Variants in KIF9 observed in about 807,000 individuals in gnomAD.
The protein encoded by KIF9 is kinesin family member 9.
KIF9 carries 68 observed loss-of-function variants against 94.8 expected under a neutral mutation model. The ratio of observed to expected loss-of-function variants is 0.72; its 90% confidence interval spans 0.59 to 0.88. The LOEUF is 0.88. KIF9 is among the 40% of genes least tolerant of loss of function. The probability of loss-of-function intolerance (pLI) is 0.00; values close to 1 mark genes in which losing one functional copy is unlikely to be tolerated. For missense variants in KIF9, 882 were observed against 982.5 expected, an observed-to-expected ratio of 0.90 and a Z score of 1.37; for synonymous variants, 343 against 362.1, an observed-to-expected ratio of 0.95 and a Z score of 0.60.
chr3:47,255,966 T>C, intron 10 of KIF9, among the ~76,000 whole-genome samples: 1 of 152,224 alleles, frequency 6.6e-6, no homozygotes, highest in East Asian at 1.9e-4. Context: ...TTCGCTGTGT[T>C]GGCCGGGCTG....
At chr3:47,231,224 G>A (rs1698549006) in intron 20 of KIF9, among the ~76,000 whole-genome samples, 1 of 151,864 alleles carries the variant, frequency 6.6e-6, no homozygotes, top group Non-Finnish European at 1.5e-5. Context: ...CTTCATGATT[G>A]AGAAAAAAAA....
chr3:47,255,716 C>G (rs1377410530), intron 10 of KIF9, among the ~76,000 whole-genome samples: 1 of 150,788 alleles, frequency 6.6e-6, no homozygotes, highest in Non-Finnish European at 1.5e-5. Flanking sequence ...AAAAAATTTT[C>G]TTCGCTCTCC....
chr3:47,274,573 T>C (rs997119395), intron 3 of KIF9, among the ~76,000 whole-genome samples: 4 of 152,236 alleles, frequency 2.6e-5, no homozygotes, highest in African/African-American at 9.6e-5. Context: ...GAGCCAGAAA[T>C]GGTGTCTATT....
intron 17 of KIF9, chr3:47,239,689 G>A: frequency 8.5e-7 from 1 of 1,170,380 alleles, no homozygotes; most frequent in Non-Finnish European, 1.1e-6. Flanking sequence ...CTGGGCTCAA[G>A]CGATTTTCAT....
At chr3:47,257,194 A>C (rs566734679) in intron 10 of KIF9, among the ~76,000 whole-genome samples, 1 of 152,114 alleles carries the variant, frequency 6.6e-6, no homozygotes, top group Admixed American at 6.5e-5. Context: ...AAAAAAAAAA[A>C]ATTTTTCTTC....
Position 47,236,026 on chromosome 3 carries a change from C to A in KIF9, c.2217+8G>T, listed in dbSNP as rs777104045. 2 of 1,602,466 alleles carry A rather than the reference C, an allele frequency of 1.2e-6. No individual in the cohort carries two copies. Among genetic ancestry groups the A allele is most frequent in the Admixed American group, 3.3e-5 (2 of 60,008 alleles). ...CCACTGCCACACCCCTGCCCCTGTG[C>A]CGCTCACCAGAGACACAATCCTGTT... On this transcript the variant is annotated splice_region_variant and intron_variant, in intron 19 of 20. Transcript: ENST00000684063.
rs1286362675 is a variant in KIF9, at chr3:47,238,951, C to A, written c.1924+1850G>T. Among the ~76,000 whole-genome samples, 3 of 152,254 alleles carry A rather than the reference C, an allele frequency of 2.0e-5. No homozygotes were observed. The East Asian group carries it at 5.8e-4, about 29-fold the overall frequency. On this transcript the variant is annotated intron_variant, in intron 17 of 20. Transcript: ENST00000684063. Reference sequence around the variant, plus strand: ...GTGCTGGGATTATAGGCGTGAGCCACCGCGCCCAGCCGAAAATCGGGCAGA... The same window carrying A: ...GTGCTGGGATTATAGGCGTGAGCCAACGCGCCCAGCCGAAAATCGGGCAGA...
intron 16 of KIF9, among the ~76,000 whole-genome samples, chr3:47,242,050 C>G (rs989937651): frequency 4.6e-5 from 7 of 151,374 alleles, no homozygotes; most frequent in Admixed American, 4.6e-4. Context: ...TGCTCAGCTC[C>G]CTTTTAATTT....
At chr3:47,239,300 G>A (rs987905014) in intron 17 of KIF9, among the ~76,000 whole-genome samples, 11 of 152,286 alleles carry the variant, frequency 7.2e-5, no homozygotes, top group Middle Eastern at 3.4e-3. Flanking sequence ...CATACCATGC[G>A]TATATTTTAT....
intron 15 of KIF9, chr3:47,244,001 C>T (rs991641590): frequency 1.3e-5 from 2 of 152,290 alleles, no homozygotes; most frequent in Non-Finnish European, 2.9e-5. Flanking sequence ...AAGCCAGGGA[C>T]ACTGGCATCC....
chr3:47,235,106 T>G (rs1698919283), intron 20 of KIF9, among the ~76,000 whole-genome samples: 1 of 152,174 alleles, frequency 6.6e-6, no homozygotes, highest in Non-Finnish European at 1.5e-5. Context: ...CCTAACCTGC[T>G]CGAGGAGGAG....
In KIF9 at chr3:47,265,769, G is replaced by A. The variant is rs773610436; in HGVS notation, c.877C>T (p.Arg293Trp). 100 of 1,614,042 alleles carry A rather than the reference G, an allele frequency of 6.2e-5. No homozygotes were observed. The Admixed American group carries it at 6.5e-4, about 10-fold the overall frequency. ...AGAGCGTGGGTGAGCTTGCACTGCCGAAAGGGGATGTGGTCCCGCTTCTGG... is the reference window on the plus strand; with the variant it reads ...AGAGCGTGGGTGAGCTTGCACTGCCAAAAGGGGATGTGGTCCCGCTTCTGG... ...GDQKRDHIPF[R>W]QCKLTHALKD... The change falls in exon 8 of 21, where the codon CGG (arginine) becomes TGG (tryptophan). Residue 293 changes from arginine to tryptophan, a missense_variant. Physicochemically the swap from Arg to Trp is moderately radical, Grantham distance 101 (BLOSUM62 -3). Transcript: ENST00000684063.
chr3:47,262,899 GT>G (rs547400008), intron 9 of KIF9, among the ~76,000 whole-genome samples: 1 of 151,866 alleles, frequency 6.6e-6, no homozygotes, highest in Non-Finnish European at 1.5e-5. Context: ...CTTTTGTGGG[GT>G]TTTTTTGTTT....
At chr3:47,281,999 G>T in intron 1 of KIF9, 1 of 168,056 alleles carries the variant, frequency 6.0e-6, no homozygotes, top group Non-Finnish European at 1.2e-5. Flanking sequence ...ACTGCACCTG[G>T]CCTTGGCTGA....
intron 1 of KIF9, chr3:47,281,142 C>T (rs1055986007): frequency 3.0e-6 from 2 of 655,748 alleles, no homozygotes; most frequent in Non-Finnish European, 2.8e-6. Context: ...ATGGTAATGG[C>T]TGGAAGTCAG....
chr3:47,264,455 G>C (rs1354757338), intron 8 of KIF9, 105 bp from the exon 9 acceptor site: 1 of 861,612 alleles, frequency 1.2e-6, no homozygotes, highest in Non-Finnish European at 1.9e-6. Context: ...TTGTTTTTTT[G>C]AAACAGGGTC....
chr3:47,251,434 CATG>C (rs771868433), intron 10 of KIF9, among the ~76,000 whole-genome samples: 1 of 152,144 alleles, frequency 6.6e-6, no homozygotes, highest in African/African-American at 2.4e-5. Context: ...TGCGGTGGCA[CATG>C]CTTGTAATCC....
At chr3:47,242,956 T>G in intron 16 of KIF9, 95 bp downstream of exon 16, 2 of 1,062,040 alleles carry the variant, frequency 1.9e-6, no homozygotes, top group Non-Finnish European at 2.7e-6. Flanking sequence ...TTATTTCTTA[T>G]TTTATTTCTC....
chr3:47,252,350 G>A (rs910005505), intron 10 of KIF9, among the ~76,000 whole-genome samples: 5 of 151,952 alleles, frequency 3.3e-5, no homozygotes, highest in African/African-American at 1.2e-4. Flanking sequence ...TGTAATCCCA[G>A]CACTTTGGAA....
Sources: gnomAD v4.1 joint callset for allele counts (sites outside exome capture counted in the v4.1 genomes callset) on GRCh38, gnomAD v4.1.1 for gene constraint, MANE v1.5 for transcripts, NCBI Gene and HGNC (gene_info 2026-07-23, HGNC 2026-07-21) for gene names.